The following CLUH variants were observed in gnomAD, a reference collection of about 807,000 sequenced individuals.
The protein encoded by CLUH is CLUH binding protein of NUMT mRNA, also known as clustered mitochondria protein homolog.
In CLUH, 77 loss-of-function variants were observed where a neutral mutation model predicts 139.3. The observed-to-expected ratio is 0.55, with a 90% CI of 0.46 to 0.67. The LOEUF (loss-of-function observed/expected upper bound fraction) is 0.67. Ranked by LOEUF, CLUH falls within the 30% of genes least tolerant of loss-of-function variation. CLUH has a pLI of 0.00. For missense variants in CLUH, 1,876 were observed against 1,875.8 expected (o/e 1.00, Z 0.00); for synonymous variants, 999 against 801.6 (o/e 1.25, Z -4.16).
At chr17:2,695,998 T>TG in intron 13 of CLUH, 161 bp downstream of exon 13, 1 of 637,208 alleles carries the variant, frequency 1.6e-6, no homozygotes, top group Non-Finnish European at 2.7e-6. Context: ...CCTTGACCTC[T>TG]GGGGGTCAGG....
At position 2,704,267 on chromosome 17, in the gene CLUH, T is replaced by C; in HGVS notation, c.303+95A>G. 1.5e-6 allele frequency: 2 copies of C among 1,326,002 alleles called. No individual in the cohort carries two copies. The highest frequency in any genetic ancestry group is 2.1e-6 in the Non-Finnish European group (2 of 970,172). 82.1% of individuals were successfully genotyped at this position (1,326,002 alleles called of 1,614,324 possible). On this transcript the variant is annotated intron_variant, in intron 2 of 25. Coordinates refer to ENST00000651024, the MANE Select transcript of CLUH (RefSeq NM_001366661.1). The surrounding 1 kb of genome is among the most constrained non-coding windows in gnomAD (Gnocchi z 5.7). ...GGATCCTCAGTTTCCTGCCACAAAA[T>C]GGGGCCGGTAGGAGCACGAGCAAGG...
In CLUH at chr17:2,690,790, G is replaced by A; in HGVS notation, c.3864-13C>T. 2.7e-6 allele frequency: 4 copies of A among 1,481,136 alleles called. No homozygotes were observed. The highest frequency in any genetic ancestry group is 3.6e-6 in the Non-Finnish European group (4 of 1,124,096). 91.7% of individuals were successfully genotyped at this position (1,481,136 alleles called of 1,614,324 possible). A position where few individuals can be genotyped will look rare whatever the true frequency, so the allele number is the denominator to read the frequency against. ...CAGGTCTTTTTGGCTGAGGATAAGG[G>A]TGGGGATGGAGGTGGCTCTCAGAGG... On this transcript the variant is annotated splice_polypyrimidine_tract_variant and intron_variant, in intron 25 of 25. Coordinates refer to ENST00000651024, the MANE Select transcript of CLUH (RefSeq NM_001366661.1).
chr17:2,690,991 CCCTCGGTGG>C (rs1284638230), intron 25 of CLUH, among the ~76,000 whole-genome samples: 6 of 152,120 alleles, frequency 3.9e-5, no homozygotes, highest in Non-Finnish European at 7.4e-5. Flanking sequence ...CCCCTCGCTG[CCCTCGGTGG>C]CCTCCCTCCA....
intron 25 of CLUH, among the ~76,000 whole-genome samples, 166 bp from the exon 26 acceptor site, chr17:2,690,943 G>C (rs937066118): frequency 6.6e-6 from 1 of 152,152 alleles, no homozygotes; most frequent in African/African-American, 2.4e-5. Context: ...TGAACACGGA[G>C]AAGGTAAGGA....
intron 1 of CLUH, among the ~76,000 whole-genome samples, chr17:2,709,472 C>G (rs906736493): frequency 1.1e-4 from 16 of 152,078 alleles, no homozygotes; most frequent in Non-Finnish European, 1.6e-4. Flanking sequence ...GATCCTGTTG[C>G]GGAGCTCCCA....
In CLUH at chr17:2,704,259, CCACAAA is replaced by C; in HGVS notation, c.303+97_303+102del. 1 of 1,261,084 alleles carries C rather than the reference CCACAAA, an allele frequency of 7.9e-7. No individual in the cohort carries two copies. The highest frequency in any genetic ancestry group is 1.1e-6 in the Non-Finnish European group (1 of 916,854). 78.1% of individuals were successfully genotyped at this position (1,261,084 alleles called of 1,614,324 possible). On this transcript the variant is annotated intron_variant, in intron 2 of 25. Transcript: ENST00000651024. This position sits in a 1 kb window ranked among gnomAD's most constrained non-coding sequence, Gnocchi z 5.7. ...AGGGCACGGGATCCTCAGTTTCCTG[CCACAAA>C]ATGGGGCCGGTAGGAGCACGAGCAA...
At position 2,700,378 on chromosome 17, in the gene CLUH, G is replaced by T. The variant is rs780150192; in HGVS notation, c.1266+4C>A. 2 of 1,611,786 alleles carry T rather than the reference G, an allele frequency of 1.2e-6. No individual in the cohort carries two copies. The highest frequency in any genetic ancestry group is 2.7e-5 in the African/African-American group (2 of 74,926). ...GACTGCCGGTCAGCAGAGGCTGCAG[G>T]CACCTTGAATATGGCCCTTTCTCGG... On this transcript the variant is annotated splice_donor_region_variant and intron_variant, in intron 9 of 25. Transcript: ENST00000651024.
chr17:2,704,459 G>C lies in CLUH; in HGVS notation c.206C>G (p.Pro69Arg), dbSNP rs758323365. 9 of 1,603,244 alleles carry C rather than the reference G, an allele frequency of 5.6e-6. No homozygotes were observed. The South Asian group carries it at 6.7e-5, about 12-fold the overall frequency. Residue 69 changes from proline to arginine, a missense_variant, in exon 2 of 26, where the codon CCG (proline) becomes CGG (arginine). Around this residue, in one of 3 missense-constraint regions of CLUH, gnomAD observed 152 missense variants for 136.7 expected, o/e 1.11. Transcript: ENST00000651024. This position sits in a 1 kb window ranked among gnomAD's most constrained non-coding sequence, Gnocchi z 5.7. ...PRENGLDEAG[P>R]GDETTGQEVI... ...TTCCTGGCCGGTGGTCTCATCTCCCGGGCCGGCCTCGTCAAGCCCATTTTC... is the reference window on the plus strand; with the variant it reads ...TTCCTGGCCGGTGGTCTCATCTCCCCGGCCGGCCTCGTCAAGCCCATTTTC...
chr17:2,701,837 C>T, intron 4 of CLUH, 77 bp downstream of exon 4: 2 of 1,593,966 alleles, frequency 1.3e-6, no homozygotes, highest in Non-Finnish European at 1.7e-6. Context: ...GCCCAGGCCC[C>T]TCGGCCCCTT....
At position 2,697,902 on chromosome 17, in the gene CLUH, T is replaced by A; in HGVS notation, c.1955A>T (p.Glu652Val). 6.7e-7 allele frequency: 1 copy of A among 1,501,686 alleles called. No individual in the cohort carries two copies. The highest frequency in any genetic ancestry group is 1.3e-5 in the South Asian group (1 of 77,312). The allele number at this position is 1,501,686 out of a possible 1,614,324, so 93.0% of individuals were successfully genotyped here. A position where few individuals can be genotyped will look rare whatever the true frequency, so the allele number is the denominator to read the frequency against. Residue 652 changes from glutamate (E) to valine (V), a missense_variant, in exon 10 of 26, where the codon GAG (glutamate) becomes GTG (valine). By Grantham distance (121) the Glu-to-Val change is moderately radical. Transcript: ENST00000651024. The part of the protein sequence containing the change: ...LRQELVDAFV[E>V]HRYLLFMKLA... ...CGGCAGGGCCGCCCCTCACCTGTGC[T>A]CCACGAAGGCGTCCACCAGCTCCTG...
chr17:2,701,895 GCC>G lies in CLUH; in HGVS notation c.619+17_619+18del, dbSNP rs1567593937. ...TCCCCGCCCTTTGGCCCAATCCCCG[GCC>G]CCAGTGCCTCCCGCACCTCCCAGGT... On this transcript the variant is annotated intron_variant, in intron 4 of 25. Coordinates refer to ENST00000651024, the MANE Select transcript of CLUH (RefSeq NM_001366661.1). 1 of 1,613,034 alleles carries G rather than the reference GCC, an allele frequency of 6.2e-7. No homozygotes were observed. The highest frequency in any genetic ancestry group is 1.1e-5 in the South Asian group (1 of 91,080).
At chr17:2,691,479 T>C in intron 25 of CLUH, 130 bp downstream of exon 25, 1 of 895,894 alleles carries the variant, frequency 1.1e-6, no homozygotes, top group Non-Finnish European at 1.8e-6. Context: ...GGAGAATCGC[T>C]GAACCCGGGA....
At position 2,698,595 on chromosome 17, in the gene CLUH, C is replaced by T. The variant is rs750966518; in HGVS notation, c.1267-5G>A. On this transcript the variant is annotated splice_region_variant and splice_polypyrimidine_tract_variant and intron_variant, in intron 9 of 25. Coordinates refer to ENST00000651024, the MANE Select transcript of CLUH (RefSeq NM_001366661.1). The stretch of plus-strand genomic sequence containing the variant: ...CGCGGTGAAGTCGCTGTGCACCTGG[C>T]GGGGGTCGAGGAGGGCAGGGTTAGA... The T allele has an allele frequency of 1.6e-5, 25 of 1,586,148 alleles. No individual in the cohort carries two copies. Among genetic ancestry groups the T allele is most frequent in the South Asian group, 2.3e-5 (2 of 88,120 alleles).
chr17:2,691,928 CGT>C lies in CLUH; in HGVS notation c.3655-35_3655-34del, dbSNP rs761092491. ...GAGGCGGGAAGGGATCAGGCCCCCC[CGT>C]GCCCCCGCGGCCCCGCCCCCGCCCC... On this transcript the variant is annotated intron_variant, in intron 23 of 25. Coordinates refer to ENST00000651024, the MANE Select transcript of CLUH (RefSeq NM_001366661.1). The C allele has an allele frequency of 6.3e-4, 717 of 1,147,146 alleles. 2 individuals carry two copies. Among genetic ancestry groups the C allele is most frequent in the Admixed American group, 1.3e-3 (40 of 30,516 alleles). The allele number at this position is 1,147,146 out of a possible 1,614,324, so 71.1% of individuals were successfully genotyped here. A position where few individuals can be genotyped will look rare whatever the true frequency, so the allele number is the denominator to read the frequency against.
chr17:2,708,793 C>A (rs2070424759), intron 1 of CLUH, among the ~76,000 whole-genome samples: 1 of 151,748 alleles, frequency 6.6e-6, no homozygotes, highest in Non-Finnish European at 1.5e-5. Context: ...CCACCCCCTC[C>A]CGAGGGGCCC....
At chr17:2,708,458 C>A (rs1293562441) in intron 1 of CLUH, among the ~76,000 whole-genome samples, 1 of 152,102 alleles carries the variant, frequency 6.6e-6, no homozygotes, top group East Asian at 1.9e-4. Flanking sequence ...CTAGGCCCAG[C>A]CCACGGCAGC....
chr17:2,692,538 G>A (rs752086618), intron 21 of CLUH, 33 bp downstream of exon 21: 28 of 1,601,932 alleles, frequency 1.7e-5, no homozygotes, highest in Admixed American at 1.7e-4. Context: ...GGATGGAGCT[G>A]GGTCCCTGCC....
intron 1 of CLUH, among the ~76,000 whole-genome samples, chr17:2,709,902 C>T (rs578169618): frequency 6.6e-6 from 1 of 152,302 alleles, no homozygotes; most frequent in South Asian, 2.1e-4. Flanking sequence ...AGTATGCTCC[C>T]AGTTTCCCCA....
chr17:2,694,672 C>G (rs923016836), intron 16 of CLUH, 108 bp from the exon 17 acceptor site: 1 of 1,337,526 alleles, frequency 7.5e-7, no homozygotes, highest in African/African-American at 1.5e-5. Context: ...AACACTGCCC[C>G]ACCCGGCCCC....
Sources: gnomAD v4.1 joint callset for allele counts (sites outside exome capture counted in the v4.1 genomes callset) on GRCh38, gnomAD v4.1.1 for gene constraint, gnomAD v4.1.1 regional missense constraint, Gnocchi (gnomAD v3.1) non-coding constraint, MANE v1.5 for transcripts, NCBI Gene and HGNC (gene_info 2026-07-23, HGNC 2026-07-21) for gene names.